RAP1GAP2: variants seen among roughly 807,000 people sequenced by gnomAD.
The protein encoded by RAP1GAP2 is RAP1 GTPase activating protein 2.
Under a neutral mutation model 95.0 loss-of-function variants are expected in RAP1GAP2, and 27 were observed. The ratio of observed to expected loss-of-function variants is 0.28; its 90% CI spans 0.21 to 0.39. RAP1GAP2 has a LOEUF of 0.39. RAP1GAP2 is among the 10% of genes least tolerant of loss of function. The probability of loss-of-function intolerance (pLI) is 1.00; values close to 1 mark genes in which losing one functional copy is unlikely to be tolerated. For synonymous variants in RAP1GAP2, 373 were observed against 380.9 expected (o/e 0.98, Z 0.24); for missense variants, 771 against 970.0 (o/e 0.79, Z 2.72).
Position 2,963,466 on chromosome 17 carries a change from G to T in RAP1GAP2, c.279+4G>T, listed in dbSNP as rs572832675. ...CCCATACCCCAGCATCGACGAGGTA[G>T]GTGCCCTCCCCTCACTCCCACCTGC... On this transcript the variant is annotated splice_donor_region_variant and intron_variant, in intron 6 of 24. Transcript: ENST00000254695. The surrounding 1 kb of genome is among the most constrained non-coding windows in gnomAD (Gnocchi z 4.8). 6 of 1,613,850 alleles carry T rather than the reference G, an allele frequency of 3.7e-6. No homozygotes were observed. The South Asian group carries it at 6.6e-5, about 18-fold the overall frequency.
intron 2 of RAP1GAP2, among the ~76,000 whole-genome samples, chr17:2,868,758 A>G (rs2072723102): frequency 6.6e-6 from 1 of 152,116 alleles, no homozygotes; most frequent in Non-Finnish European, 1.5e-5. Flanking sequence ...ACCTCAGGTG[A>G]TCTGCCTGCC....
intron 18 of RAP1GAP2, among the ~76,000 whole-genome samples, chr17:3,019,992 T>A (rs2046901400): frequency 6.6e-6 from 1 of 152,136 alleles, no homozygotes; most frequent in Non-Finnish European, 1.5e-5. Context: ...CAGCCTGTCT[T>A]GTTATTGGAA....
chr17:2,958,530 T>G (rs2044202482), intron 4 of RAP1GAP2, among the ~76,000 whole-genome samples: 1 of 152,072 alleles, frequency 6.6e-6, no homozygotes, highest in African/African-American at 2.4e-5. Flanking sequence ...GCTCAGAGAT[T>G]GACAGGCGTC....
chr17:3,012,109 C>T (rs1012684648), intron 17 of RAP1GAP2, among the ~76,000 whole-genome samples: 3 of 152,140 alleles, frequency 2.0e-5, no homozygotes, highest in African/African-American at 7.2e-5. Flanking sequence ...CACCTCACCC[C>T]GCTTGGAGCA....
In RAP1GAP2 at chr17:3,011,110, T is replaced by C. The variant is rs530163700; in HGVS notation, c.1494+2965T>C. 3.9e-5 allele frequency among the ~76,000 whole-genome samples: 6 copies of C among 152,178 alleles called. No individual in the cohort carries two copies. In the South Asian group the frequency reaches 1.2e-3, roughly 32 times the overall value. ...CCCGGCTAACTTTTTGTATTTTTAG[T>C]AGAGACGAGGTTTCACCATGTTGGC... On this transcript the variant is annotated intron_variant, in intron 17 of 24. Coordinates refer to ENST00000254695, the MANE Select transcript of RAP1GAP2 (RefSeq NM_015085.5).
intron 16 of RAP1GAP2, among the ~76,000 whole-genome samples, 180 bp from the exon 17 acceptor site, chr17:3,007,831 C>T (rs2046383857): frequency 6.6e-6 from 1 of 152,074 alleles, no homozygotes; most frequent in Non-Finnish European, 1.5e-5. Flanking sequence ...GAGCACGCAG[C>T]CTTCATCTTA....
intron 2 of RAP1GAP2, among the ~76,000 whole-genome samples, chr17:2,829,817 AT>A (rs34423747): frequency 8.5e-4 from 111 of 130,942 alleles, no homozygotes; most frequent in Admixed American, 1.1e-3. Context: ...TCTCTCTTAA[AT>A]TTTTTTTTTT....
At chr17:2,864,404 T>G (rs1426439417) in intron 2 of RAP1GAP2, among the ~76,000 whole-genome samples, 1 of 152,244 alleles carries the variant, frequency 6.6e-6, no homozygotes. Context: ...GATTCCACAT[T>G]GTGAATCTGT....
intron 8 of RAP1GAP2, among the ~76,000 whole-genome samples, chr17:2,967,264 A>G (rs1023586477): frequency 9.2e-5 from 14 of 152,230 alleles, no homozygotes; most frequent in South Asian, 8.3e-4. Context: ...CCAGCTACTC[A>G]GGAGGCTGAG....
intron 2 of RAP1GAP2, among the ~76,000 whole-genome samples, chr17:2,811,601 G>A (rs771922284): frequency 6.6e-6 from 1 of 152,070 alleles, no homozygotes; most frequent in Admixed American, 6.5e-5. Context: ...TTTTTGAGAC[G>A]GAGTCTCGCT....
At chr17:2,988,771 G>C (rs1424329145) in intron 11 of RAP1GAP2, among the ~76,000 whole-genome samples, 1 of 152,192 alleles carries the variant, frequency 6.6e-6, no homozygotes, top group Non-Finnish European at 1.5e-5. Flanking sequence ...AGTTTTGTAA[G>C]AAACTGCCGG....
At chr17:2,793,060 C>T (rs1471917353), upstream of RAP1GAP2, among the ~76,000 whole-genome samples, 1 of 152,092 alleles carries the variant, frequency 6.6e-6, no homozygotes, top group East Asian at 1.9e-4. Flanking sequence ...CCGCTTCTCT[C>T]TCATGTATGA....
intron 2 of RAP1GAP2, among the ~76,000 whole-genome samples, chr17:2,809,844 G>A (rs912412173): frequency 6.6e-6 from 1 of 152,186 alleles, no homozygotes; most frequent in Non-Finnish European, 1.5e-5. Context: ...GCTCTTGATG[G>A]ACAGGGGCCC....
intron 2 of RAP1GAP2, among the ~76,000 whole-genome samples, chr17:2,820,893 T>TTTTTTTTTTTTTC: frequency 1.8e-5 from 1 of 54,426 alleles, no homozygotes; most frequent in Non-Finnish European, 4.7e-5. Flanking sequence ...CGGATAATGG[T>TTTTTTTTTTTTTC]TTTTTTTTTT....
intron 1 of RAP1GAP2, among the ~76,000 whole-genome samples, chr17:2,758,462 T>C (rs1191530093): frequency 6.6e-6 from 1 of 152,144 alleles, no homozygotes. Context: ...TGTGAGCCAC[T>C]GCACCCAGCC....
intron 17 of RAP1GAP2, 119 bp from the exon 18 acceptor site, chr17:3,017,942 T>C: frequency 1.2e-6 from 1 of 827,110 alleles, no homozygotes; most frequent in Non-Finnish European, 1.8e-6. Context: ...TGTGTGTGTG[T>C]GTGTGTATGT....
intron 8 of RAP1GAP2, among the ~76,000 whole-genome samples, chr17:2,969,724 G>A (rs904449435): frequency 6.6e-6 from 1 of 151,494 alleles, no homozygotes; most frequent in East Asian, 1.9e-4. Context: ...GGCTTGTCCC[G>A]AACTCCTGAC....
At chr17:2,946,434 G>A (rs565784713) in intron 3 of RAP1GAP2, among the ~76,000 whole-genome samples, 12 of 152,134 alleles carry the variant, frequency 7.9e-5, no homozygotes, top group African/African-American at 2.7e-4. Context: ...TAATTACTAC[G>A]GATTCCATCT....
At chr17:2,888,790 T>C in intron 2 of RAP1GAP2, among the ~76,000 whole-genome samples, 1 of 151,048 alleles carries the variant, frequency 6.6e-6, no homozygotes, top group African/African-American at 2.4e-5. Context: ...TAGTTGGGAC[T>C]ACAGTGTACA....
Sources: allele counts gnomAD v4.1 joint callset (sites outside exome capture counted in the v4.1 genomes callset), GRCh38; gene constraint gnomAD v4.1.1; non-coding constraint Gnocchi (gnomAD v3.1); transcripts MANE v1.5; gene names NCBI Gene and HGNC (gene_info 2026-07-23, HGNC 2026-07-21).